Variants in PUM3 observed in about 807,000 individuals in gnomAD.
The protein encoded by PUM3 is pumilio RNA binding family member 3.
Under a neutral mutation model 84.0 loss-of-function variants are expected in PUM3, and 91 were observed. The ratio of observed to expected loss-of-function variants is 1.08; its 90% CI spans 0.91 to 1.29. PUM3 has a LOEUF of 1.29. PUM3 is among the 50% of genes most tolerant of loss of function. The probability of loss-of-function intolerance (pLI) is 0.00; values close to 1 mark genes in which losing one functional copy is unlikely to be tolerated. For synonymous variants in PUM3, 321 were observed against 266.7 expected (o/e 1.20, Z -1.98); for missense variants, 1,067 against 767.5 (o/e 1.39, Z -4.61).
chr9:2,809,005 G>C (rs1253912733), intron 16 of PUM3, among the ~76,000 whole-genome samples: 1 of 152,156 alleles, frequency 6.6e-6, no homozygotes, highest in Non-Finnish European at 1.5e-5. Flanking sequence ...GGGAAACTGA[G>C]GCTGTTGGTC....
At chr9:2,823,599 T>C (rs1459796524) in intron 12 of PUM3, among the ~76,000 whole-genome samples, 182 bp downstream of exon 12, 1 of 152,158 alleles carries the variant, frequency 6.6e-6, no homozygotes, top group Non-Finnish European at 1.5e-5. Flanking sequence ...AAAGAATGCA[T>C]GTGACATGAT....
rs751149439 is a variant in PUM3 at position 2,807,853 on chromosome 9, G to A, written c.1775C>T (p.Ser592Phe). 3.1e-6 allele frequency: 5 copies of A among 1,613,542 alleles called. No individual in the cohort carries two copies. In the Admixed American group the frequency reaches 5.0e-5, roughly 16 times the overall value. The change falls in exon 17 of 18, where the codon TCC becomes TTC. Residue 592 changes from serine to phenylalanine, a missense_variant. Physicochemically the swap from Ser to Phe is radical, Grantham distance 155 (BLOSUM62 -2). Transcript: ENST00000397885. ...GGCACCTCGATTTACACTAGCCCAGGACTTCAGGTTCTTCATACCAACATG... is the reference window on the plus strand; with the variant it reads ...GGCACCTCGATTTACACTAGCCCAGAACTTCAGGTTCTTCATACCAACATG... ...VEHVGMKNLK[S>F]WASVNRGAII...
At chr9:2,838,993 G>T (rs990291548) in intron 1 of PUM3, among the ~76,000 whole-genome samples, 1 of 152,150 alleles carries the variant, frequency 6.6e-6, no homozygotes, top group Admixed American at 6.5e-5. Context: ...AGGATTATCT[G>T]AAAGATTCCT....
chr9:2,823,744 C>G, intron 12 of PUM3, 37 bp downstream of exon 12: 1 of 974,626 alleles, frequency 1.0e-6, no homozygotes, highest in Non-Finnish European at 1.5e-6. Context: ...ATCTTACTAT[C>G]AAAAATAATT....
At chr9:2,837,623 T>C (rs572883945) in intron 2 of PUM3, among the ~76,000 whole-genome samples, 1 of 152,214 alleles carries the variant, frequency 6.6e-6, no homozygotes, top group South Asian at 2.1e-4. Flanking sequence ...AGTAGAGAAA[T>C]GTAAAATAAA....
At chr9:2,812,153 C>A in intron 14 of PUM3, 67 bp downstream of exon 14, 2 of 1,381,092 alleles carry the variant, frequency 1.4e-6, no homozygotes, top group South Asian at 1.2e-5. Flanking sequence ...AAGTGGACTT[C>A]TGGAAGAATG....
At chr9:2,818,611 C>A (rs1821521016) in intron 13 of PUM3, among the ~76,000 whole-genome samples, 1 of 152,108 alleles carries the variant, frequency 6.6e-6, no homozygotes, top group African/African-American at 2.4e-5. Context: ...ATCTCTGTCA[C>A]AAGAATGAAA....
chr9:2,811,882 C>T (rs1204857443), intron 14 of PUM3, among the ~76,000 whole-genome samples: 1 of 150,670 alleles, frequency 6.6e-6, no homozygotes, highest in Non-Finnish European at 1.5e-5. Context: ...ATAACATACC[C>T]AGAAAACAAC....
intron 1 of PUM3, among the ~76,000 whole-genome samples, chr9:2,841,720 A>G (rs1282784019): frequency 6.6e-6 from 1 of 152,056 alleles, no homozygotes; most frequent in Non-Finnish European, 1.5e-5. Context: ...AGGCCAAAAA[A>G]AAAAAAAAAA....
intron 16 of PUM3, among the ~76,000 whole-genome samples, chr9:2,810,110 G>C (rs1189928785): frequency 6.7e-6 from 1 of 149,904 alleles, no homozygotes; most frequent in East Asian, 2.0e-4. Context: ...GCGGTGGGGG[G>C]GGCTGGCGGG....
intron 15 of PUM3, 38 bp downstream of exon 15, chr9:2,811,323 T>A: frequency 6.3e-7 from 1 of 1,599,856 alleles, no homozygotes; most frequent in Non-Finnish European, 8.6e-7. Context: ...TTTTGTGGCC[T>A]TTGCAGCTTT....
chr9:2,825,977 C>G (rs1397288947), intron 10 of PUM3, among the ~76,000 whole-genome samples: 1 of 152,128 alleles, frequency 6.6e-6, no homozygotes, highest in African/African-American at 2.4e-5. Context: ...TCTAACAATC[C>G]CTTCCCAAGA....
At chr9:2,818,863 G>A (rs1821527445) in intron 13 of PUM3, among the ~76,000 whole-genome samples, 1 of 152,168 alleles carries the variant, frequency 6.6e-6, no homozygotes. Context: ...CCCTCCACTA[G>A]CTGGTATACT....
At chr9:2,831,214 G>A (rs1480004569) in intron 6 of PUM3, 37 bp downstream of exon 6, 12 of 1,386,778 alleles carry the variant, frequency 8.7e-6, no homozygotes, top group Non-Finnish European at 1.2e-5. Flanking sequence ...GTGACTTATT[G>A]CAAATGATAA....
intron 16 of PUM3, among the ~76,000 whole-genome samples, chr9:2,808,935 G>A (rs1821313656): frequency 6.6e-6 from 1 of 152,062 alleles, no homozygotes; most frequent in African/African-American, 2.4e-5. Flanking sequence ...TGTCCTCTTG[G>A]GATGCTCACT....
chr9:2,826,300 C>T (rs1586724372), intron 10 of PUM3, among the ~76,000 whole-genome samples: 1 of 152,054 alleles, frequency 6.6e-6, no homozygotes, highest in Non-Finnish European at 1.5e-5. Context: ...GCCTCAGAAC[C>T]GTGGGATACT....
At chr9:2,836,311 G>C (rs920991590) in intron 3 of PUM3, among the ~76,000 whole-genome samples, 5 of 152,162 alleles carry the variant, frequency 3.3e-5, no homozygotes, top group African/African-American at 9.7e-5. Context: ...GAGAAAAAGA[G>C]AATAAAAGGC....
chr9:2,831,468 C>T (rs1404626448), intron 5 of PUM3, 124 bp from the exon 6 acceptor site: 3 of 662,672 alleles, frequency 4.5e-6, no homozygotes, highest in Admixed American at 3.2e-5. Context: ...TAAAATCAAA[C>T]CTAGATTACT....
intron 13 of PUM3, among the ~76,000 whole-genome samples, chr9:2,814,577 A>G (rs1821434306): frequency 2.0e-5 from 3 of 152,206 alleles, no homozygotes; most frequent in Non-Finnish European, 4.4e-5. Context: ...GTGTGCCTTT[A>G]GTGTACCTTT....
Sources: gnomAD v4.1 joint callset for allele counts (sites outside exome capture counted in the v4.1 genomes callset) on GRCh38, gnomAD v4.1.1 for gene constraint, MANE v1.5 for transcripts, NCBI Gene and HGNC (gene_info 2026-07-23, HGNC 2026-07-21) for gene names.